CHPT1: variants seen among roughly 807,000 people sequenced by gnomAD.
The protein encoded by CHPT1 is choline phosphotransferase 1.
A neutral mutation model predicts 47.6 loss-of-function variants in CHPT1; 36 were observed. The ratio of observed to expected loss-of-function variants is 0.76; its 90% CI spans 0.58 to 1.00. The LOEUF (loss-of-function observed/expected upper bound fraction) is 1.00, where lower values mean the gene tolerates loss of function less well. Among genes scored for constraint, CHPT1 ranks in the 50% least tolerant of loss-of-function variants. The pLI, the probability that CHPT1 is intolerant of heterozygous loss-of-function variation, is 0.00. For missense variants in CHPT1, 458 were observed against 498.1 expected (o/e 0.92, Z 0.77); for synonymous variants, 194 against 186.3 (o/e 1.04, Z -0.33).
At position 101,702,792 on chromosome 12, in the gene CHPT1, A is replaced by G. The variant is rs566532160; in HGVS notation, c.273+4658A>G. ...TTGTAAGGGCGTGACCTCTCTCATT[A>G]AAACAAAATGTGAACTCCAGATTTC... On this transcript the variant is annotated intron_variant, in intron 1 of 8. Transcript: ENST00000229266. Among the ~76,000 whole-genome samples the G allele has an allele frequency of 3.3e-5, 5 of 152,234 alleles. No homozygotes were observed. In the East Asian group the frequency reaches 9.6e-4, roughly 29 times the overall value.
chr12:101,716,657 A>G, intron 3 of CHPT1, 71 bp from the exon 4 acceptor site: 1 of 877,624 alleles, frequency 1.1e-6, no homozygotes, highest in Non-Finnish European at 1.8e-6. Context: ...GCTATTTAAT[A>G]TGTGATGAAC....
chr12:101,726,597 A>AT (rs1193567418), intron 8 of CHPT1, 193 bp downstream of exon 8: 5 of 697,090 alleles, frequency 7.2e-6, no homozygotes, highest in African/African-American at 3.6e-5. Flanking sequence ...TTGTATCATC[A>AT]TTTTTTATCA....
chr12:101,711,225 C>T (rs1304058574), intron 1 of CHPT1, among the ~76,000 whole-genome samples: 2 of 148,678 alleles, frequency 1.3e-5, no homozygotes, highest in Non-Finnish European at 3.0e-5. Flanking sequence ...TAAAAAGATA[C>T]TTGCACTCCC....
chr12:101,721,710 G>A lies in CHPT1; in HGVS notation c.780+1456G>A, dbSNP rs144046940. On this transcript the variant is annotated intron_variant, in intron 5 of 8. Transcript: ENST00000229266. Reference sequence around the variant, plus strand: ...TGGATGATAACATAGAACAATAGTTGGAACGTTAAGTTCCATTGAAGAAAA... The same window carrying A: ...TGGATGATAACATAGAACAATAGTTAGAACGTTAAGTTCCATTGAAGAAAA... Among the ~76,000 whole-genome samples, 45 of 152,214 alleles carry A rather than the reference G, an allele frequency of 3.0e-4. 1 individual carries two copies. In the East Asian group the frequency reaches 6.4e-3, roughly 22 times the overall value.
intron 1 of CHPT1, among the ~76,000 whole-genome samples, chr12:101,703,160 C>G (rs1951578259): frequency 6.6e-6 from 1 of 152,152 alleles, no homozygotes; most frequent in African/African-American, 2.4e-5. Context: ...AAGGCTACAA[C>G]CAGACCACTT....
At chr12:101,715,933 A>G (rs1408450678) in intron 3 of CHPT1, among the ~76,000 whole-genome samples, 1 of 152,210 alleles carries the variant, frequency 6.6e-6, no homozygotes, top group Non-Finnish European at 1.5e-5. Flanking sequence ...GTTATGCAAG[A>G]TAATTAATGA....
intron 1 of CHPT1, among the ~76,000 whole-genome samples, chr12:101,711,895 G>A (rs1478152349): frequency 2.7e-5 from 4 of 148,494 alleles, no homozygotes; most frequent in South Asian, 4.3e-4. Flanking sequence ...ATTCTGGGTG[G>A]GATGTGTTGT....
At chr12:101,717,389 C>T in intron 4 of CHPT1, 1 of 439,898 alleles carries the variant, frequency 2.3e-6, no homozygotes, top group South Asian at 1.6e-5. Context: ...GTCCTGTTAC[C>T]ACAACGTAAG....
At chr12:101,725,441 T>A (rs56066880) in intron 7 of CHPT1, among the ~76,000 whole-genome samples, 2 of 152,146 alleles carry the variant, frequency 1.3e-5, no homozygotes, top group African/African-American at 4.8e-5. Context: ...AAACTCAATG[T>A]AAGTTTTCTT....
rs763840656 is a variant in CHPT1, at chr12:101,698,094, C to G, written c.233C>G (p.Thr78Arg). ...GGGCTCGCCGTCAACGTGGTCACCA[C>G]GCTCGTGCTCATCTCCTACTGTCCC... ...LLGLAVNVVT[T>R]LVLISYCPTA... Residue 78 changes from threonine to arginine, a missense_variant, in exon 1 of 9, where the codon ACG (threonine) becomes AGG (arginine). Thr to Arg is a moderately conservative substitution (Grantham distance 71, BLOSUM62 -1). Coordinates refer to ENST00000229266, the MANE Select transcript of CHPT1 (RefSeq NM_020244.3). 19 of 1,558,630 alleles carry G rather than the reference C, an allele frequency of 1.2e-5. No homozygotes were observed. The highest frequency in any genetic ancestry group is 1.6e-5 in the Non-Finnish European group (18 of 1,160,472).
chr12:101,697,879 G>A lies in CHPT1; in HGVS notation c.18G>A (p.Gly6=). 1 of 1,209,042 alleles carries A rather than the reference G, an allele frequency of 8.3e-7. No homozygotes were observed. Among genetic ancestry groups the A allele is most frequent in the Non-Finnish European group, 1.0e-6 (1 of 974,510 alleles). 74.9% of individuals were successfully genotyped at this position (1,209,042 alleles called of 1,614,324 possible). A position where few individuals can be genotyped will look rare whatever the true frequency, so the allele number is the denominator to read the frequency against. The change falls in exon 1 of 9, where the codon GGG becomes GGA. Residue 6 remains glycine, a synonymous_variant. Coordinates refer to ENST00000229266, the MANE Select transcript of CHPT1 (RefSeq NM_020244.3). MAAGA[G]AGSAPRWLRA... ...AGGCGGCCATGGCGGCAGGCGCCGG[G>A]GCCGGGTCCGCGCCGCGCTGGCTGA...
At chr12:101,727,669 A>T (rs1951993706) in intron 8 of CHPT1, 1 of 152,208 alleles carries the variant, frequency 6.6e-6, no homozygotes, top group Admixed American at 6.5e-5. Flanking sequence ...AACTATTGGT[A>T]AAACTTCCCA....
At chr12:101,703,263 C>T (rs895616602) in intron 1 of CHPT1, among the ~76,000 whole-genome samples, 3 of 152,160 alleles carry the variant, frequency 2.0e-5, no homozygotes, top group East Asian at 1.9e-4. Flanking sequence ...CTTCACACCC[C>T]TCTCTCTTTT....
At chr12:101,727,732 A>C (rs1398561759) in intron 8 of CHPT1, 1 of 152,198 alleles carries the variant, frequency 6.6e-6, no homozygotes, top group Non-Finnish European at 1.5e-5. Flanking sequence ...TATTCTAATA[A>C]TATATACTTT....
At position 101,716,918 on chromosome 12, in the gene CHPT1, T is replaced by TTTTC. The variant is rs375988724; in HGVS notation, c.648+109_648+110insCTTT. The stretch of plus-strand genomic sequence containing the variant: ...AAATCCTTGGCATTGTATTTAATTT[T>TTTTC]TTTTTTTTAATTGGTGTATTTAATA... On this transcript the variant is annotated intron_variant, in intron 4 of 8. Transcript: ENST00000229266. 974 of 673,928 alleles carry TTTTC rather than the reference T, an allele frequency of 1.4e-3. 6 individuals carry two copies. Among genetic ancestry groups the TTTTC allele is most frequent in the African/African-American group, 0.012 (635 of 54,606 alleles). The allele number at this position is 673,928 out of a possible 1,614,324, so 41.7% of individuals were successfully genotyped here.
rs199758198 is a variant in CHPT1, at chr12:101,719,790, CA to C, written c.649-325del. The C allele has an allele frequency of 6.6e-3, 1,553 of 233,874 alleles. 29 individuals are homozygous for C. Among genetic ancestry groups the C allele is most frequent in the African/African-American group, 0.034 (1,444 of 42,382 alleles). The allele number at this position is 233,874 out of a possible 1,614,324, so 14.5% of individuals were successfully genotyped here. On this transcript the variant is annotated intron_variant, in intron 4 of 8. Transcript: ENST00000229266. ...CTTTCACTTATGAAGAAAGCAGTTT[CA>C]AAAAAAAGTCACTTTAGGCTGGTCC...
rs181750924 is a variant in CHPT1, at chr12:101,718,220, A to T, written c.648+1408A>T. Among the ~76,000 whole-genome samples, 21 of 152,350 alleles carry T rather than the reference A, an allele frequency of 1.4e-4. 1 individual carries two copies. In the East Asian group the frequency reaches 2.7e-3, roughly 20 times the overall value. On this transcript the variant is annotated intron_variant, in intron 4 of 8. Coordinates refer to ENST00000229266, the MANE Select transcript of CHPT1 (RefSeq NM_020244.3). ...GGCTACATGTCATTATACATTCGTC[A>T]TAGCACACAGAATGTGTAACACCAA...
chr12:101,699,249 G>C (rs1353239559), intron 1 of CHPT1, among the ~76,000 whole-genome samples: 1 of 152,032 alleles, frequency 6.6e-6, no homozygotes, highest in East Asian at 1.9e-4. Flanking sequence ...CACCACGGCC[G>C]ACTCACTTTT....
Position 101,697,881 on chromosome 12 carries a change from C to T in CHPT1, c.20C>T (p.Ala7Val). 8.3e-7 allele frequency: 1 copy of T among 1,208,612 alleles called. No homozygotes were observed. The highest frequency in any genetic ancestry group is 1.0e-6 in the Non-Finnish European group (1 of 974,262). 74.9% of individuals were successfully genotyped at this position (1,208,612 alleles called of 1,614,324 possible). A position where few individuals can be genotyped will look rare whatever the true frequency, so the allele number is the denominator to read the frequency against. MAAGAG[A>V]GSAPRWLRAL... is the part of the protein sequence containing the mutation. ...GCGGCCATGGCGGCAGGCGCCGGGG[C>T]CGGGTCCGCGCCGCGCTGGCTGAGG... The change falls in exon 1 of 9, where the codon GCC becomes GTC. Residue 7 changes from alanine (A) to valine (V), a missense_variant. Physicochemically the swap from Ala to Val is moderately conservative, Grantham distance 64 (BLOSUM62 0). Coordinates refer to ENST00000229266, the MANE Select transcript of CHPT1 (RefSeq NM_020244.3).
Sources: gnomAD v4.1 joint callset for allele counts (sites outside exome capture counted in the v4.1 genomes callset) on GRCh38, gnomAD v4.1.1 for gene constraint, MANE v1.5 for transcripts, NCBI Gene and HGNC (gene_info 2026-07-23, HGNC 2026-07-21) for gene names.